The following KYNU variants were observed in gnomAD, a reference collection of about 807,000 sequenced individuals.
KYNU encodes the protein kynureninase, also known as L-kynurenine hydrolase.
KYNU carries 54 observed loss-of-function variants against 59.2 expected under a neutral mutation model. The ratio of observed to expected loss-of-function variants is 0.91; its 90% confidence interval spans 0.73 to 1.14. KYNU has a LOEUF of 1.14. Among genes scored for constraint, KYNU ranks in the 50% most tolerant of loss-of-function variants. The pLI is 0.00. For missense variants in KYNU, 567 were observed against 554.4 expected, an observed-to-expected ratio of 1.02 and a Z score of -0.23; for synonymous variants, 177 against 192.0, an observed-to-expected ratio of 0.92 and a Z score of 0.65.
chr2:142,947,286 A>C, intron 4 of KYNU: 2 of 1,470,398 alleles, frequency 1.4e-6, no homozygotes, highest in Non-Finnish European at 1.8e-6. Flanking sequence ...ATTCACTTAA[A>C]ACTCACCACT....
At chr2:142,891,401 C>T (rs1168631918) in intron 2 of KYNU, among the ~76,000 whole-genome samples, 1 of 152,092 alleles carries the variant, frequency 6.6e-6, no homozygotes, top group Non-Finnish European at 1.5e-5. Context: ...AAAAACGGTG[C>T]TGCTTTCAAT....
rs192689087 is a variant in KYNU at position 142,881,923 on chromosome 2, T to C, written c.-19-3426T>C. Among the ~76,000 whole-genome samples the C allele has an allele frequency of 3.8e-3, 554 of 144,056 alleles. 5 individuals carry two copies. The highest frequency in any genetic ancestry group is 6.8e-3 in the Non-Finnish European group (452 of 66,316). The allele number at this position is 144,056 out of a possible 152,430, so 94.5% of individuals were successfully genotyped here. ...GCTTTTCTTTTCTTTTTTCTTTTTT[T>C]TTTTTTTTTTTTGTAGAGATGACAT... On this transcript the variant is annotated intron_variant, in intron 1 of 13. Transcript: ENST00000264170.
At chr2:142,943,833 T>C (rs552423145) in intron 4 of KYNU, among the ~76,000 whole-genome samples, 1 of 152,320 alleles carries the variant, frequency 6.6e-6, no homozygotes, top group South Asian at 2.1e-4. Context: ...AAAAATGGAA[T>C]GTAAAGTTCT....
intron 8 of KYNU, among the ~76,000 whole-genome samples, chr2:142,982,343 A>G (rs924426517): frequency 6.6e-6 from 1 of 152,116 alleles, no homozygotes; most frequent in Non-Finnish European, 1.5e-5. Flanking sequence ...TGTGGAATGA[A>G]TCTTTATATT....
At chr2:142,986,807 T>A (rs1278821691) in intron 10 of KYNU, among the ~76,000 whole-genome samples, 2 of 151,860 alleles carry the variant, frequency 1.3e-5, no homozygotes, top group Non-Finnish European at 2.9e-5. Context: ...TAATAATGTT[T>A]GATTAGTTTT....
At chr2:142,888,777 T>C (rs1199460742) in intron 2 of KYNU, among the ~76,000 whole-genome samples, 3 of 150,990 alleles carry the variant, frequency 2.0e-5, no homozygotes, top group Non-Finnish European at 4.4e-5. Flanking sequence ...GGCAAATATT[T>C]AATAGTCAGT....
intron 12 of KYNU, among the ~76,000 whole-genome samples, chr2:143,034,878 C>T (rs1431393095): frequency 6.6e-6 from 1 of 152,198 alleles, no homozygotes; most frequent in Non-Finnish European, 1.5e-5. Flanking sequence ...AAAGTAATTT[C>T]CTCTGGTGCC....
At chr2:142,941,695 G>T (rs1158010245) in intron 4 of KYNU, among the ~76,000 whole-genome samples, 1 of 152,146 alleles carries the variant, frequency 6.6e-6, no homozygotes, top group Non-Finnish European at 1.5e-5. Flanking sequence ...TGCTGAATGG[G>T]CCCTGAACCC....
At chr2:142,988,975 C>A in intron 10 of KYNU, 1 of 1,171,050 alleles carries the variant, frequency 8.5e-7, no homozygotes, top group Non-Finnish European at 1.3e-6. Context: ...AACTTTGTGT[C>A]CCTTAGTGTG....
intron 10 of KYNU, among the ~76,000 whole-genome samples, chr2:143,015,785 C>G (rs1686230652): frequency 6.6e-6 from 1 of 152,080 alleles, no homozygotes; most frequent in Non-Finnish European, 1.5e-5. Context: ...TATTTTGAGA[C>G]ACACTGGAAT....
chr2:142,988,897 A>C (rs1255590916), intron 10 of KYNU: 1 of 1,606,178 alleles, frequency 6.2e-7, no homozygotes, highest in Non-Finnish European at 8.5e-7. Context: ...GGACAAGTCA[A>C]GGACAAGGTA....
At position 143,050,250 on chromosome 2, in the gene KYNU, T is replaced by C. The variant is rs1687240011; in HGVS notation, c.*8078T>C. The C allele has an allele frequency of 1.3e-5, 2 of 152,062 alleles. No individual in the cohort carries two copies. Among genetic ancestry groups the C allele is most frequent in the Admixed American group, 1.3e-4 (2 of 15,244 alleles). The allele number at this position is 152,062 out of a possible 1,614,324, so 9.4% of individuals were successfully genotyped here. Reference sequence around the variant, plus strand: ...CAGGTTTGTTACATAGGTATACGTGTGCCATGGTGGTTTGCTGCACCTATT... The same window carrying C: ...CAGGTTTGTTACATAGGTATACGTGCGCCATGGTGGTTTGCTGCACCTATT... On this transcript the variant is annotated 3_prime_UTR_variant, in exon 14 of 14. Coordinates refer to ENST00000264170, the MANE Select transcript of KYNU (RefSeq NM_003937.3).
intron 2 of KYNU, among the ~76,000 whole-genome samples, chr2:142,898,470 G>A (rs1468611502): frequency 1.3e-5 from 2 of 149,192 alleles, no homozygotes; most frequent in Non-Finnish European, 1.5e-5. Context: ...TAGTTCAAGG[G>A]AAAAAAAAAA....
chr2:143,014,204 G>A (rs1012323136), intron 10 of KYNU, among the ~76,000 whole-genome samples: 2 of 152,210 alleles, frequency 1.3e-5, no homozygotes, highest in Non-Finnish European at 2.9e-5. Flanking sequence ...ACATGGCTCA[G>A]GCCATTTCCA....
At chr2:142,956,690 G>A (rs1212969939) in intron 6 of KYNU, among the ~76,000 whole-genome samples, 1 of 152,082 alleles carries the variant, frequency 6.6e-6, no homozygotes, top group African/African-American at 2.4e-5. Context: ...TAGCATGCTA[G>A]CATAAATGTT....
intron 7 of KYNU, among the ~76,000 whole-genome samples, chr2:142,959,640 A>G (rs572278023): frequency 1.6e-4 from 24 of 152,300 alleles, no homozygotes; most frequent in Admixed American, 5.2e-4. Flanking sequence ...CAGGATACAC[A>G]TAGGTACTTT....
At chr2:143,041,744 G>A (rs1459329916) in intron 13 of KYNU, among the ~76,000 whole-genome samples, 2 of 150,306 alleles carry the variant, frequency 1.3e-5, no homozygotes, top group African/African-American at 2.4e-5. Context: ...GGGTCCCCAC[G>A]GGAAAAAAAA....
chr2:142,910,448 TA>T (rs1219225922), intron 2 of KYNU, among the ~76,000 whole-genome samples: 1 of 152,172 alleles, frequency 6.6e-6, no homozygotes, highest in East Asian at 1.9e-4. Flanking sequence ...TCGAATTGCT[TA>T]AATTCCTTAT....
intron 2 of KYNU, among the ~76,000 whole-genome samples, chr2:142,907,941 A>C (rs1401155734): frequency 6.6e-6 from 1 of 152,236 alleles, no homozygotes; most frequent in African/African-American, 2.4e-5. Context: ...ATTTAAAAAA[A>C]ATTAGAGCTT....
Sources: allele counts gnomAD v4.1 joint callset (sites outside exome capture counted in the v4.1 genomes callset), GRCh38; gene constraint gnomAD v4.1.1; transcripts MANE v1.5; gene names NCBI Gene and HGNC (gene_info 2026-07-23, HGNC 2026-07-21).